Variants in HS3ST4 observed in about 807,000 individuals in gnomAD.
HS3ST4 encodes the protein heparan sulfate-glucosamine 3-sulfotransferase 4, also known as heparan sulfate glucosamine 3-O-sulfotransferase 4.
HS3ST4 carries 17 observed loss-of-function variants against 29.2 expected under a neutral mutation model. The ratio of observed to expected loss-of-function variants is 0.58; its 90% confidence interval spans 0.40 to 0.87. The LOEUF is 0.87. Ranked by LOEUF, HS3ST4 falls within the 40% of genes least tolerant of loss-of-function variation. HS3ST4 has a pLI of 0.00. For synonymous variants in HS3ST4, 314 were observed against 285.7 expected (o/e 1.10, Z -1.00); for missense variants, 627 against 634.5 (o/e 0.99, Z 0.13).
chr16:25,941,527 TTTTTGTTTTTTTGTTTG>T (rs1271577300), intron 1 of HS3ST4, among the ~76,000 whole-genome samples: 1 of 152,002 alleles, frequency 6.6e-6, no homozygotes, highest in Non-Finnish European at 1.5e-5. Context: ...CTTTATTTTC[TTTTTGTTTTTTTGTTTG>T]TTTTGTTTTT....
At chr16:26,041,256 C>T (rs1045032275) in intron 1 of HS3ST4, among the ~76,000 whole-genome samples, 2 of 151,998 alleles carry the variant, frequency 1.3e-5, no homozygotes, top group South Asian at 2.1e-4. Context: ...GTGGGAGGAT[C>T]GATTGAACCT....
intron 1 of HS3ST4, among the ~76,000 whole-genome samples, chr16:25,788,590 G>T (rs1966861666): frequency 7.6e-6 from 1 of 131,852 alleles, no homozygotes; most frequent in Non-Finnish European, 1.5e-5. Context: ...GCCCGGGCTG[G>T]AGTGCAGTGG....
At chr16:25,696,802 G>T (rs1004636243) in intron 1 of HS3ST4, among the ~76,000 whole-genome samples, 1 of 152,252 alleles carries the variant, frequency 6.6e-6, no homozygotes, top group Admixed American at 6.5e-5. Flanking sequence ...ACTGGGGAGA[G>T]AATGGAGAAG....
At chr16:25,870,400 TA>T (rs895869218) in intron 1 of HS3ST4, among the ~76,000 whole-genome samples, 4 of 150,692 alleles carry the variant, frequency 2.7e-5, no homozygotes, top group African/African-American at 9.8e-5. Flanking sequence ...TGTTAGGGAG[TA>T]AAAAAAAAGC....
chr16:25,818,434 C>A (rs1420423810), intron 1 of HS3ST4, among the ~76,000 whole-genome samples: 1 of 152,146 alleles, frequency 6.6e-6, no homozygotes, highest in Non-Finnish European at 1.5e-5. Context: ...GCCTCTGGAA[C>A]CATGAGAAAT....
At chr16:26,029,122 T>C (rs1969507713) in intron 1 of HS3ST4, 1 of 152,246 alleles carries the variant, frequency 6.6e-6, no homozygotes, top group Non-Finnish European at 1.5e-5. Flanking sequence ...ATTCTGAGAA[T>C]TTGGTCAAGT....
intron 1 of HS3ST4, among the ~76,000 whole-genome samples, chr16:26,129,866 T>C (rs891355422): frequency 2.0e-5 from 3 of 152,158 alleles, no homozygotes; most frequent in Non-Finnish European, 4.4e-5. Flanking sequence ...ACTCAGTGAA[T>C]GGCTGTGCTC....
At chr16:25,759,870 A>G (rs1596562817) in intron 1 of HS3ST4, among the ~76,000 whole-genome samples, 1 of 152,168 alleles carries the variant, frequency 6.6e-6, no homozygotes, top group African/African-American at 2.4e-5. Context: ...AGCCTGGGTG[A>G]CAAAGCAAGA....
intron 1 of HS3ST4, among the ~76,000 whole-genome samples, chr16:25,862,646 G>A (rs185470201): frequency 7.4e-4 from 112 of 152,270 alleles, no homozygotes; most frequent in Middle Eastern, 3.4e-3. Context: ...AACCCCTGTC[G>A]TACAGTAAGT....
chr16:26,083,289 G>A (rs768022232), intron 1 of HS3ST4, among the ~76,000 whole-genome samples: 5 of 152,162 alleles, frequency 3.3e-5, no homozygotes, highest in Non-Finnish European at 7.4e-5. Flanking sequence ...CAATCAAGTG[G>A]ATATTTGAAA....
chr16:25,982,772 G>A (rs992143322), intron 1 of HS3ST4, among the ~76,000 whole-genome samples: 2 of 152,088 alleles, frequency 1.3e-5, no homozygotes, highest in African/African-American at 4.8e-5. Context: ...CAAGGCTGCC[G>A]TGAGCCAAGA....
intron 1 of HS3ST4, among the ~76,000 whole-genome samples, chr16:25,858,810 A>G (rs1967609251): frequency 6.6e-6 from 1 of 151,802 alleles, no homozygotes; most frequent in South Asian, 2.1e-4. Context: ...TTCTTTTATA[A>G]TTTTAAAAAT....
chr16:25,850,896 A>G (rs1271878211), intron 1 of HS3ST4, among the ~76,000 whole-genome samples: 1 of 152,194 alleles, frequency 6.6e-6, no homozygotes, highest in Non-Finnish European at 1.5e-5. Flanking sequence ...ATTTGGAAAC[A>G]TTATTTTCAT....
At chr16:26,041,155 C>T (rs58170808) in intron 1 of HS3ST4, among the ~76,000 whole-genome samples, 2,528 of 152,066 alleles carry the variant, frequency 0.017, 66 homozygotes, top group African/African-American at 0.056. Context: ...CTGGGCAACA[C>T]AGTGAGACCT....
chr16:25,834,223 C>T (rs757731370), intron 1 of HS3ST4, among the ~76,000 whole-genome samples: 2 of 152,192 alleles, frequency 1.3e-5, no homozygotes, highest in Admixed American at 6.5e-5. Flanking sequence ...AAACTAGCAA[C>T]ATCAACATCA....
intron 1 of HS3ST4, among the ~76,000 whole-genome samples, chr16:25,880,744 G>A (rs1396027934): frequency 6.6e-6 from 1 of 152,148 alleles, no homozygotes; most frequent in Non-Finnish European, 1.5e-5. Context: ...ATTAAGAAAT[G>A]AAATAATAGA....
intron 1 of HS3ST4, among the ~76,000 whole-genome samples, chr16:25,760,694 C>G (rs1181634574): frequency 6.6e-6 from 1 of 152,174 alleles, no homozygotes; most frequent in Non-Finnish European, 1.5e-5. Flanking sequence ...GCTAGGATTA[C>G]AGGTGTGAAC....
At chr16:26,103,953 G>A (rs946882237) in intron 1 of HS3ST4, among the ~76,000 whole-genome samples, 5 of 152,078 alleles carry the variant, frequency 3.3e-5, no homozygotes, top group African/African-American at 7.2e-5. Context: ...ACTCACACAC[G>A]AAATACAAAG....
At chr16:26,031,820 C>G (rs1022741586) in intron 1 of HS3ST4, among the ~76,000 whole-genome samples, 2 of 151,684 alleles carry the variant, frequency 1.3e-5, no homozygotes, top group Admixed American at 1.3e-4. Flanking sequence ...TATACAACAA[C>G]TTTCAAACTC....
Sources: gnomAD v4.1 joint callset for allele counts (sites outside exome capture counted in the v4.1 genomes callset) on GRCh38, gnomAD v4.1.1 for gene constraint, MANE v1.5 for transcripts, NCBI Gene and HGNC (gene_info 2026-07-23, HGNC 2026-07-21) for gene names.